EYS: variants seen among roughly 807,000 people sequenced by gnomAD.
EYS encodes protein eyes shut homolog.
In EYS, 250 loss-of-function variants were observed where a neutral mutation model predicts 282.1. The ratio of observed to expected loss-of-function variants is 0.89; its 90% CI spans 0.80 to 0.98. The LOEUF (loss-of-function observed/expected upper bound fraction) is 0.98. Among genes scored for constraint, EYS ranks in the 50% least tolerant of loss-of-function variants. EYS has a pLI of 0.00. For synonymous variants in EYS, 1,355 were observed against 1,282.9 expected (o/e 1.06, Z -1.20); for missense variants, 4,016 against 3,709.0 (o/e 1.08, Z -2.15).
intron 14 of EYS, among the ~76,000 whole-genome samples, chr6:64,995,719 C>CT (rs1771233682): frequency 6.8e-6 from 1 of 147,596 alleles, no homozygotes; most frequent in Non-Finnish European, 1.5e-5. Context: ...TCTGCTTCCC[C>CT]CCCGCCCCAT....
At chr6:64,407,201 G>T (rs1773744923) in intron 28 of EYS, among the ~76,000 whole-genome samples, 1 of 150,054 alleles carries the variant, frequency 6.7e-6, no homozygotes, top group South Asian at 2.1e-4. Flanking sequence ...CGCATGAACA[G>T]AAAACCAAAC....
At chr6:64,349,034 C>T (rs1771519597) in intron 29 of EYS, among the ~76,000 whole-genome samples, 1 of 151,230 alleles carries the variant, frequency 6.6e-6, no homozygotes, top group Admixed American at 6.6e-5. Flanking sequence ...TACAGTATTC[C>T]ATGTCTTGTT....
chr6:64,989,473 A>C (rs1203294805), intron 14 of EYS, among the ~76,000 whole-genome samples: 1 of 135,330 alleles, frequency 7.4e-6, no homozygotes, highest in African/African-American at 2.8e-5. Flanking sequence ...ATATATATAT[A>C]TATATATATA....
In EYS at chr6:64,968,476, A is replaced by C. The variant is rs1770175785; in HGVS notation, c.2260-22562T>G. ...AATGTTTGCAATTTTTCTGATCTAA[A>C]ACCTTTGTATATTCACTCAAAAATA... On this transcript the variant is annotated intron_variant, in intron 14 of 42. Transcript: ENST00000503581. Among the ~76,000 whole-genome samples, 3 of 152,312 alleles carry C rather than the reference A, an allele frequency of 2.0e-5. No individual in the cohort carries two copies. In the South Asian group the frequency reaches 6.2e-4, roughly 32 times the overall value.
At chr6:64,297,812 T>C (rs1295361523) in intron 30 of EYS, among the ~76,000 whole-genome samples, 1 of 151,900 alleles carries the variant, frequency 6.6e-6, no homozygotes, top group African/African-American at 2.4e-5. Context: ...ACACCATCTC[T>C]ACTAAAAATA....
At chr6:64,708,902 T>C (rs536902038) in intron 22 of EYS, among the ~76,000 whole-genome samples, 1 of 152,156 alleles carries the variant, frequency 6.6e-6, no homozygotes, top group African/African-American at 2.4e-5. Flanking sequence ...CAATCTAACA[T>C]GCAAGTTTAC....
intron 13 of EYS, among the ~76,000 whole-genome samples, chr6:65,009,615 T>G (rs1379038162): frequency 2.0e-5 from 3 of 152,162 alleles, no homozygotes; most frequent in Admixed American, 6.5e-5. Context: ...CTATTAGGCA[T>G]TAGCCCAAGA....
intron 32 of EYS, among the ~76,000 whole-genome samples, chr6:64,068,960 T>A (rs1008247336): frequency 4.0e-5 from 6 of 151,862 alleles, no homozygotes; most frequent in Non-Finnish European, 5.9e-5. Flanking sequence ...GACACAAGTG[T>A]CTTTGTAAAA....
chr6:65,579,909 T>C (rs1169803484), intron 2 of EYS, among the ~76,000 whole-genome samples: 1 of 152,140 alleles, frequency 6.6e-6, no homozygotes, highest in Non-Finnish European at 1.5e-5. Flanking sequence ...TCTTTTGTAA[T>C]TTCCATCTTT....
intron 12 of EYS, among the ~76,000 whole-genome samples, chr6:65,083,139 C>A (rs184972067): frequency 2.0e-5 from 3 of 151,966 alleles, no homozygotes; most frequent in Non-Finnish European, 2.9e-5. Context: ...GACAGCTCCA[C>A]TGAAGCAGGA....
chr6:64,443,459 AT>A (rs1561997664), intron 26 of EYS, among the ~76,000 whole-genome samples: 1 of 151,934 alleles, frequency 6.6e-6, no homozygotes, highest in Non-Finnish European at 1.5e-5. Context: ...GGAAGGCACA[AT>A]TGGTTTTGAA....
chr6:64,495,148 C>T (rs1055559509), intron 26 of EYS, among the ~76,000 whole-genome samples: 1 of 151,650 alleles, frequency 6.6e-6, no homozygotes. Context: ...ACAGATTGCC[C>T]TACTCACCCT....
At chr6:64,994,917 A>G (rs1033004662) in intron 14 of EYS, among the ~76,000 whole-genome samples, 1 of 152,166 alleles carries the variant, frequency 6.6e-6, no homozygotes, top group Admixed American at 6.6e-5. Context: ...CATATATTCC[A>G]TCGGAAGGAC....
intron 22 of EYS, among the ~76,000 whole-genome samples, chr6:64,659,422 C>T (rs1323877411): frequency 6.6e-6 from 1 of 151,944 alleles, no homozygotes; most frequent in Non-Finnish European, 1.5e-5. Flanking sequence ...ACAAAAAACC[C>T]TTCAAAAAAT....
At chr6:64,539,760 A>C (rs542491995) in intron 26 of EYS, among the ~76,000 whole-genome samples, 1 of 152,326 alleles carries the variant, frequency 6.6e-6, no homozygotes, top group African/African-American at 2.4e-5. Flanking sequence ...TATTAATAAA[A>C]CATATTGAGT....
chr6:64,735,298 T>C (rs1223616224), intron 22 of EYS, among the ~76,000 whole-genome samples: 1 of 152,194 alleles, frequency 6.6e-6, no homozygotes, highest in Non-Finnish European at 1.5e-5. Context: ...TTAGCCAGGA[T>C]GGTCTCGATC....
chr6:64,932,706 C>T (rs1000176694), intron 15 of EYS, among the ~76,000 whole-genome samples: 1 of 151,928 alleles, frequency 6.6e-6, no homozygotes, highest in African/African-American at 2.4e-5. Flanking sequence ...CCTGGCTGAG[C>T]ATTGAAGACA....
At chr6:65,366,325 G>A (rs1288228331) in intron 8 of EYS, among the ~76,000 whole-genome samples, 2 of 151,624 alleles carry the variant, frequency 1.3e-5, no homozygotes, top group Non-Finnish European at 2.9e-5. Context: ...TTTAACTAAT[G>A]AAAGTTAAAT....
chr6:64,673,243 A>G (rs1405814238), intron 22 of EYS, among the ~76,000 whole-genome samples: 3 of 152,106 alleles, frequency 2.0e-5, no homozygotes. Context: ...GAAACAGTGC[A>G]TAGACATCCA....
Sources: gnomAD v4.1 joint callset for allele counts (sites outside exome capture counted in the v4.1 genomes callset) on GRCh38, gnomAD v4.1.1 for gene constraint, MANE v1.5 for transcripts, NCBI Gene and HGNC (gene_info 2026-07-23, HGNC 2026-07-21) for gene names.